Variants in SOX6 observed in about 807,000 individuals in gnomAD.
The protein encoded by SOX6 is transcription factor SOX-6.
Under a neutral mutation model 97.8 loss-of-function variants are expected in SOX6, and 11 were observed. The ratio of observed to expected loss-of-function variants is 0.11; its 90% confidence interval spans 0.07 to 0.19. The LOEUF (loss-of-function observed/expected upper bound fraction) is 0.19, where lower values mean the gene tolerates loss of function less well. Among genes scored for constraint, SOX6 ranks in the 10% least tolerant of loss-of-function variants. SOX6 has a pLI of 1.00. For synonymous variants in SOX6, 360 were observed against 371.4 expected (o/e 0.97, Z 0.35); for missense variants, 810 against 1,039.5 (o/e 0.78, Z 3.04).
intron 4 of SOX6, among the ~76,000 whole-genome samples, chr11:16,536,817 G>C (rs1861315768): frequency 6.6e-6 from 1 of 152,220 alleles, no homozygotes; most frequent in South Asian, 2.1e-4. Flanking sequence ...ACTGGGCGGA[G>C]CCCACCACAG....
intron 1 of SOX6, among the ~76,000 whole-genome samples, chr11:16,444,096 G>A (rs983098275): frequency 2.0e-5 from 3 of 150,354 alleles, no homozygotes; most frequent in East Asian, 3.9e-4. Context: ...TACCTAATGA[G>A]ATTTGGAATA....
chr11:16,360,439 G>A (rs963522953), upstream of SOX6, among the ~76,000 whole-genome samples: 3 of 152,056 alleles, frequency 2.0e-5, no homozygotes, highest in African/African-American at 7.3e-5. Flanking sequence ...ACGATTACTT[G>A]TGTAACATTC....
chr11:16,676,873 GGTCT>G (rs1472031388), intron 3 of SOX6, among the ~76,000 whole-genome samples: 2 of 151,760 alleles, frequency 1.3e-5, no homozygotes, highest in African/African-American at 4.9e-5. Context: ...GAAAACTTGA[GGTCT>G]TTCTCAGGTT....
intron 9 of SOX6, among the ~76,000 whole-genome samples, chr11:16,091,217 G>A (rs1465822054): frequency 2.0e-5 from 3 of 152,052 alleles, no homozygotes; most frequent in Non-Finnish European, 4.4e-5. Context: ...TAAGAGAAAA[G>A]CATGCATTCT....
At chr11:16,507,710 A>G (rs10832625) in intron 4 of SOX6, among the ~76,000 whole-genome samples, 26,757 of 152,216 alleles carry the variant, frequency 0.18, 2,747 homozygotes, top group Admixed American at 0.31. Flanking sequence ...TTGGATATCC[A>G]TATGCAAAAG....
At chr11:16,217,550 C>T (rs1009676936) in intron 4 of SOX6, among the ~76,000 whole-genome samples, 4 of 152,076 alleles carry the variant, frequency 2.6e-5, no homozygotes, top group Admixed American at 2.6e-4. Flanking sequence ...TCTTAACAGT[C>T]ATAAAGATGT....
chr11:16,510,189 T>G (rs556708190), intron 4 of SOX6, among the ~76,000 whole-genome samples: 24 of 152,194 alleles, frequency 1.6e-4, no homozygotes, highest in African/African-American at 5.8e-4. Flanking sequence ...CATTGCATCA[T>G]GATTCCACCC....
chr11:15,968,087 C>T lies in SOX6; in HGVS notation c.*4722G>A, dbSNP rs142041140. On this transcript the variant is annotated 3_prime_UTR_variant, in exon 16 of 16. Coordinates refer to ENST00000683767, the MANE Select transcript of SOX6 (RefSeq NM_001367873.1). ...GGATATGGCATCAGAAACAGAACATCATTGGCAGGAATAACAGACAGAAGT... is the reference window on the plus strand; with the variant it reads ...GGATATGGCATCAGAAACAGAACATTATTGGCAGGAATAACAGACAGAAGT... 5.3e-5 allele frequency: 8 copies of T among 152,298 alleles called. No individual in the cohort carries two copies. The East Asian group carries it at 7.7e-4, about 15-fold the overall frequency. The allele number at this position is 152,298 out of a possible 1,614,324, so 9.4% of individuals were successfully genotyped here. A position where few individuals can be genotyped will look rare whatever the true frequency, so the allele number is the denominator to read the frequency against.
chr11:16,322,814 A>G (rs1855967270), intron 2 of SOX6, among the ~76,000 whole-genome samples: 1 of 152,202 alleles, frequency 6.6e-6, no homozygotes, highest in Non-Finnish European at 1.5e-5. Flanking sequence ...ACAATGATAT[A>G]AATGTGTTTT....
intron 3 of SOX6, among the ~76,000 whole-genome samples, chr11:16,701,941 T>C (rs902968033): frequency 6.6e-6 from 1 of 152,194 alleles, no homozygotes; most frequent in African/African-American, 2.4e-5. Flanking sequence ...CATACTATAC[T>C]CTGCATTTGG....
intron 12 of SOX6, chr11:16,031,544 G>A (rs1272925708): frequency 6.6e-6 from 1 of 152,154 alleles, no homozygotes; most frequent in Non-Finnish European, 1.5e-5. Flanking sequence ...GGACACAGGA[G>A]TAGGGTAGGT....
At chr11:16,659,958 A>G (rs1406194878) in intron 3 of SOX6, among the ~76,000 whole-genome samples, 1 of 152,102 alleles carries the variant, frequency 6.6e-6, no homozygotes, top group Non-Finnish European at 1.5e-5. Context: ...TCATGGAATC[A>G]GTATAGTTGG....
intron 1 of SOX6, among the ~76,000 whole-genome samples, chr11:16,444,240 G>T (rs1314834803): frequency 3.3e-5 from 5 of 152,056 alleles, no homozygotes; most frequent in African/African-American, 4.8e-5. Flanking sequence ...GTTAAAAAAT[G>T]GTTTATGTCT....
chr11:16,383,192 CATAA>C (rs1857880359), intron 1 of SOX6, among the ~76,000 whole-genome samples: 1 of 151,864 alleles, frequency 6.6e-6, no homozygotes, highest in Admixed American at 6.6e-5. Flanking sequence ...ATTAATTCAG[CATAA>C]ATATTGAGTT....
intron 4 of SOX6, among the ~76,000 whole-genome samples, chr11:16,586,529 T>A (rs1454985308): frequency 1.3e-5 from 2 of 152,198 alleles, no homozygotes; most frequent in Non-Finnish European, 2.9e-5. Context: ...GGCAAGACAG[T>A]GAGATCCCCT....
intron 3 of SOX6, among the ~76,000 whole-genome samples, chr11:16,270,654 A>AACATACACAC (rs1937936409): frequency 6.7e-6 from 1 of 149,274 alleles, no homozygotes; most frequent in African/African-American, 2.4e-5. Flanking sequence ...CACACACACA[A>AACATACACAC]ACACACACAC....
In SOX6 at chr11:16,049,864, A is replaced by T. The variant is rs748531785; in HGVS notation, c.1326T>A (p.Ser442=). 8.1e-6 allele frequency: 13 copies of T among 1,613,376 alleles called. No individual in the cohort carries two copies. In the East Asian group the frequency reaches 2.7e-4, roughly 33 times the overall value. Residue 442 remains serine (S), a synonymous_variant, in exon 11 of 16, where the codon TCT becomes TCA. Coordinates refer to ENST00000683767, the MANE Select transcript of SOX6 (RefSeq NM_001367873.1). ...KTAEPVKSPT[S]PTQNLFPASK... is the part of the protein sequence containing the mutation. ...TGGCTGGGAAGAGGTTCTGGGTGGG[A>T]GACGTTGGGGACTTTACAGGCTCTG...
intron 2 of SOX6, among the ~76,000 whole-genome samples, chr11:16,333,595 T>C (rs1183296165): frequency 6.6e-6 from 1 of 151,864 alleles, no homozygotes; most frequent in African/African-American, 2.4e-5. Context: ...AATAAAAGGT[T>C]TATTTAAAAA....
intron 3 of SOX6, among the ~76,000 whole-genome samples, chr11:16,304,492 T>C (rs867768256): frequency 1.3e-5 from 2 of 152,182 alleles, no homozygotes; most frequent in African/African-American, 2.4e-5. Flanking sequence ...ACCAAATCTG[T>C]TGGTGCCTTG....
Sources: allele counts gnomAD v4.1 joint callset (sites outside exome capture counted in the v4.1 genomes callset), GRCh38; gene constraint gnomAD v4.1.1; transcripts MANE v1.5; gene names NCBI Gene and HGNC (gene_info 2026-07-23, HGNC 2026-07-21).